CAB39L: variants seen among roughly 807,000 people sequenced by gnomAD.
CAB39L encodes the protein calcium-binding protein 39-like.
Under a neutral mutation model 39.1 loss-of-function variants are expected in CAB39L, and 23 were observed. The observed-to-expected ratio is 0.59, with a 90% CI of 0.42 to 0.83. The LOEUF is 0.83. Among genes scored for constraint, CAB39L ranks in the 40% least tolerant of loss-of-function variants. The probability of loss-of-function intolerance (pLI) is 0.00; values close to 1 mark genes in which losing one functional copy is unlikely to be tolerated. For synonymous variants in CAB39L, 126 were observed against 137.2 expected (o/e 0.92, Z 0.57); for missense variants, 366 against 391.9 (o/e 0.93, Z 0.56).
Position 49,332,019 on chromosome 13 carries a change from G to C in CAB39L, c.762C>G (p.Asn254Lys). Residue 254 changes from asparagine to lysine, a missense_variant, in exon 10 of 11, where the codon AAC becomes AAG. Asn to Lys is a moderately conservative substitution (Grantham distance 94). Transcript: ENST00000409308. The part of the protein sequence containing the change: ...IMTKYISKPE[N>K]LKLMMNLLRD... ...GAAGGAGGTTCATCATGAGTTTCAG[G>C]TTCTCCGGCTTGCTGATATACTTTG... is the stretch of plus-strand genomic sequence containing the variant. 6.2e-7 allele frequency: 1 copy of C among 1,614,118 alleles called. No homozygotes were observed. The highest frequency in any genetic ancestry group is 8.5e-7 in the Non-Finnish European group (1 of 1,179,996).
intron 3 of CAB39L, among the ~76,000 whole-genome samples, chr13:49,408,245 T>G (rs1342205820): frequency 6.6e-6 from 1 of 152,136 alleles, no homozygotes; most frequent in East Asian, 1.9e-4. Context: ...CACAAGGCAT[T>G]CCCATGCCTG....
chr13:49,383,417 C>T (rs1274898495), intron 3 of CAB39L, among the ~76,000 whole-genome samples: 1 of 152,168 alleles, frequency 6.6e-6, no homozygotes, highest in African/African-American at 2.4e-5. Flanking sequence ...ATGTCCTAGA[C>T]ATTTCTGGCT....
At chr13:49,438,380 A>T (rs1957451646) in intron 1 of CAB39L, among the ~76,000 whole-genome samples, 1 of 152,160 alleles carries the variant, frequency 6.6e-6, no homozygotes, top group African/African-American at 2.4e-5. Context: ...TCTTGATGCT[A>T]CACACAAAAT....
chr13:49,410,048 A>G (rs1743675567), intron 3 of CAB39L, among the ~76,000 whole-genome samples: 1 of 152,216 alleles, frequency 6.6e-6, no homozygotes, highest in Admixed American at 6.5e-5. Context: ...AAACAATATA[A>G]CAACGCTAAG....
chr13:49,314,796 G>T (rs1954107919), intron 10 of CAB39L, among the ~76,000 whole-genome samples: 1 of 152,132 alleles, frequency 6.6e-6, no homozygotes, highest in South Asian at 2.1e-4. Context: ...TGAAAAATGG[G>T]GATGATAACA....
At chr13:49,439,921 G>GTTTTTTTTTTTTTT (rs34993624) in intron 1 of CAB39L, among the ~76,000 whole-genome samples, 31 of 78,580 alleles carry the variant, frequency 3.9e-4, no homozygotes, top group Admixed American at 5.4e-4. Context: ...TTTTTAATGG[G>GTTTTTTTTTTTTTT]TTTTTTTTTT....
chr13:49,316,920 A>G (rs1297957445), intron 10 of CAB39L, among the ~76,000 whole-genome samples: 1 of 152,206 alleles, frequency 6.6e-6, no homozygotes, highest in African/African-American at 2.4e-5. Context: ...GAAGATGGAA[A>G]CAGAGATGCT....
intron 6 of CAB39L, among the ~76,000 whole-genome samples, chr13:49,355,231 A>T (rs1249345249): frequency 1.3e-5 from 2 of 151,530 alleles, no homozygotes; most frequent in African/African-American, 4.9e-5. Flanking sequence ...AAAAAAAATT[A>T]ATTAGCTAAG....
intron 3 of CAB39L, among the ~76,000 whole-genome samples, chr13:49,408,793 C>T (rs1302210551): frequency 2.0e-5 from 3 of 151,824 alleles, no homozygotes; most frequent in South Asian, 2.1e-4. Context: ...ATTGCACCAC[C>T]GCACTCCAGC....
chr13:49,409,946 G>C (rs188731186), intron 3 of CAB39L, among the ~76,000 whole-genome samples: 2 of 149,880 alleles, frequency 1.3e-5, no homozygotes, highest in East Asian at 2.0e-4. Flanking sequence ...AATACAGTAA[G>C]AAGAAAAGCT....
In CAB39L at chr13:49,317,498, C is replaced by T. The variant is rs113291529; in HGVS notation, c.835-6505G>A. ...TGAGCTGTGATGGTGCCACCACACT[C>T]CCACCTGGGCAACAGAGTGAGATGC... On this transcript the variant is annotated intron_variant, in intron 10 of 10. Transcript: ENST00000409308. Among the ~76,000 whole-genome samples, 1,162 of 152,236 alleles carry T rather than the reference C, an allele frequency of 7.6e-3. 7 individuals carry two copies. The highest frequency in any genetic ancestry group is 0.011 in the Non-Finnish European group (776 of 68,002).
Position 49,310,937 on chromosome 13 carries a change from A to T in CAB39L, c.891T>A (p.Asn297Lys). 1 of 1,614,086 alleles carries T rather than the reference A, an allele frequency of 6.2e-7. No homozygotes were observed. The highest frequency in any genetic ancestry group is 1.1e-5 in the South Asian group (1 of 91,076). ...TQPIVEILLK[N>K]QPKLIEFLSS... ...TCAGAAACTCAATGAGTTTGGGCTGATTTTTTAACAGGATCTCCACAATAG... is the reference window on the plus strand; with the variant it reads ...TCAGAAACTCAATGAGTTTGGGCTGTTTTTTTAACAGGATCTCCACAATAG... Residue 297 changes from asparagine (N) to lysine (K), a missense_variant, in exon 11 of 11, where the codon AAT becomes AAA. Coordinates refer to ENST00000409308, the MANE Select transcript of CAB39L (RefSeq NM_001079670.3).
intron 5 of CAB39L, among the ~76,000 whole-genome samples, chr13:49,368,193 A>G (rs1593999146): frequency 6.6e-6 from 1 of 152,226 alleles, no homozygotes; most frequent in African/African-American, 2.4e-5. Context: ...TCCAGTAGAA[A>G]TGAAGCTCTG....
At chr13:49,337,280 A>G (rs1954875286) in intron 9 of CAB39L, among the ~76,000 whole-genome samples, 1 of 152,226 alleles carries the variant, frequency 6.6e-6, no homozygotes. Context: ...AATAGGAAAA[A>G]ATGACAATAC....
At chr13:49,375,919 G>A (rs1488259961) in intron 5 of CAB39L, among the ~76,000 whole-genome samples, 2 of 152,202 alleles carry the variant, frequency 1.3e-5, no homozygotes, top group Non-Finnish European at 2.9e-5. Flanking sequence ...ATGAGCTGAA[G>A]TCTGGGCCCT....
intron 3 of CAB39L, among the ~76,000 whole-genome samples, chr13:49,429,727 T>C (rs1957292061): frequency 6.6e-6 from 1 of 152,218 alleles, no homozygotes; most frequent in Admixed American, 6.5e-5. Flanking sequence ...CGTTGAATTC[T>C]TGCTTATTTA....
intron 3 of CAB39L, among the ~76,000 whole-genome samples, chr13:49,410,776 A>G (rs1956974779): frequency 6.6e-6 from 1 of 152,258 alleles, no homozygotes; most frequent in Admixed American, 6.5e-5. Context: ...CATTTGCAAT[A>G]TAACATATTC....
At chr13:49,316,641 T>C (rs1954166715) in intron 10 of CAB39L, among the ~76,000 whole-genome samples, 1 of 152,240 alleles carries the variant, frequency 6.6e-6, no homozygotes, top group Non-Finnish European at 1.5e-5. Flanking sequence ...GTGGGATTTA[T>C]TCCCCAGAAA....
chr13:49,410,713 C>A (rs906096103), intron 3 of CAB39L, among the ~76,000 whole-genome samples: 11 of 152,160 alleles, frequency 7.2e-5, no homozygotes, highest in African/African-American at 2.4e-4. Flanking sequence ...AATGAAAGTA[C>A]TTCACATGAC....
Sources: allele counts gnomAD v4.1 joint callset (sites outside exome capture counted in the v4.1 genomes callset), GRCh38; gene constraint gnomAD v4.1.1; transcripts MANE v1.5; gene names NCBI Gene and HGNC (gene_info 2026-07-23, HGNC 2026-07-21).